FRMD4A: variants seen among roughly 807,000 people sequenced by gnomAD.
FRMD4A encodes the protein FERM domain-containing protein 4A.
A neutral mutation model predicts 129.1 loss-of-function variants in FRMD4A; 29 were observed. That is an observed-to-expected ratio of 0.22 (90% confidence interval 0.17 to 0.31). The LOEUF (loss-of-function observed/expected upper bound fraction) is 0.31, where lower values mean the gene tolerates loss of function less well. Among genes scored for constraint, FRMD4A ranks in the 10% least tolerant of loss-of-function variants. The pLI is 1.00. For missense variants in FRMD4A, 1,272 were observed against 1,375.8 expected (o/e 0.92, Z 1.19); for synonymous variants, 634 against 571.6 (o/e 1.11, Z -1.56).
intron 2 of FRMD4A, among the ~76,000 whole-genome samples, chr10:14,005,459 C>A (rs11258792): frequency 0.015 from 2,281 of 152,300 alleles, 41 homozygotes; most frequent in East Asian, 0.089. Flanking sequence ...TAAGAAGTTG[C>A]AGTTCCTTCT....
chr10:13,831,216 T>G (rs1442124483), intron 3 of FRMD4A, among the ~76,000 whole-genome samples: 1 of 152,302 alleles, frequency 6.6e-6, no homozygotes, highest in East Asian at 1.9e-4. Context: ...ACGCAATGCC[T>G]CTGACCTTCT....
At chr10:14,162,655 T>G (rs149938758) in intron 2 of FRMD4A, among the ~76,000 whole-genome samples, 3,672 of 151,182 alleles carry the variant, frequency 0.024, 89 homozygotes, top group South Asian at 0.04. Flanking sequence ...TTTTTTTTTT[T>G]TTTTGTATAT....
At chr10:13,686,495 T>C (rs1349353378) in intron 15 of FRMD4A, among the ~76,000 whole-genome samples, 1 of 152,014 alleles carries the variant, frequency 6.6e-6, no homozygotes, top group Non-Finnish European at 1.5e-5. Context: ...AGAATGGGAG[T>C]GTGTCAACAG....
chr10:13,917,701 G>A (rs987047106), intron 2 of FRMD4A, among the ~76,000 whole-genome samples: 2 of 152,148 alleles, frequency 1.3e-5, no homozygotes, highest in African/African-American at 2.4e-5. Flanking sequence ...AACCAAGCAG[G>A]ACACAAACCC....
intron 4 of FRMD4A, among the ~76,000 whole-genome samples, chr10:13,796,853 G>A (rs1308570137): frequency 6.6e-6 from 1 of 152,110 alleles, no homozygotes; most frequent in Non-Finnish European, 1.5e-5. Flanking sequence ...CTGAGTAGCT[G>A]GGACTACAAG....
intron 2 of FRMD4A, among the ~76,000 whole-genome samples, chr10:14,261,553 T>G (rs1297625569): frequency 6.6e-6 from 1 of 152,202 alleles, no homozygotes; most frequent in African/African-American, 2.4e-5. Context: ...CAACAGCTGC[T>G]ATTCTCCAAT....
intron 6 of FRMD4A, among the ~76,000 whole-genome samples, chr10:13,765,748 G>C (rs2092265487): frequency 6.6e-6 from 1 of 152,176 alleles, no homozygotes. Flanking sequence ...GGGATTAGCA[G>C]GTCCCATCAG....
intron 2 of FRMD4A, among the ~76,000 whole-genome samples, chr10:14,324,806 G>T (rs1843204295): frequency 6.6e-6 from 1 of 152,128 alleles, no homozygotes; most frequent in Admixed American, 6.5e-5. Context: ...GACTACAGGT[G>T]CACCCCACCA....
rs77102741 is a variant in FRMD4A, at chr10:14,014,041, C to T, written c.46-155129G>A. Among the ~76,000 whole-genome samples, 508 of 152,232 alleles carry T rather than the reference C, an allele frequency of 3.3e-3. 5 individuals are homozygous for T. The highest frequency in any genetic ancestry group is 0.012 in the African/African-American group (485 of 41,538). On this transcript the variant is annotated intron_variant, in intron 2 of 24. Coordinates refer to ENST00000357447, the MANE Select transcript of FRMD4A (RefSeq NM_018027.5). ...GCCTCTGGTCCACTTCAGCCCTGGA[C>T]GGGTGAAGACAGCGCAGTGAGTATC...
At chr10:13,823,164 C>G (rs147701702) in intron 3 of FRMD4A, among the ~76,000 whole-genome samples, 1 of 152,170 alleles carries the variant, frequency 6.6e-6, no homozygotes, top group Non-Finnish European at 1.5e-5. Flanking sequence ...CTTTGACAGG[C>G]GTACATAATG....
At chr10:13,680,756 A>G (rs1382644067) in intron 15 of FRMD4A, among the ~76,000 whole-genome samples, 1 of 152,002 alleles carries the variant, frequency 6.6e-6, no homozygotes, top group Non-Finnish European at 1.5e-5. Context: ...AGTTTAAAAA[A>G]AGGATATAGG....
chr10:14,264,331 T>C (rs1300208369), intron 2 of FRMD4A, among the ~76,000 whole-genome samples: 2 of 152,134 alleles, frequency 1.3e-5, no homozygotes, highest in Non-Finnish European at 2.9e-5. Context: ...CAGAAGAGGG[T>C]AGAAAATAGA....
intron 2 of FRMD4A, among the ~76,000 whole-genome samples, chr10:14,280,149 C>A (rs749726169): frequency 1.3e-5 from 2 of 152,092 alleles, no homozygotes; most frequent in African/African-American, 2.4e-5. Context: ...ACGATGCTGG[C>A]CAAGGCAGGA....
At chr10:13,740,479 T>C (rs919941080) in intron 10 of FRMD4A, 33 bp downstream of exon 10, 2 of 1,264,066 alleles carry the variant, frequency 1.6e-6, no homozygotes, top group East Asian at 4.6e-5. Flanking sequence ...ACACAAACAC[T>C]GTCCCCATGT....
intron 4 of FRMD4A, among the ~76,000 whole-genome samples, chr10:13,808,472 G>A (rs966957030): frequency 6.6e-6 from 1 of 152,218 alleles, no homozygotes; most frequent in African/African-American, 2.4e-5. Context: ...AGCCAGAGCA[G>A]GTGAACACCC....
intron 2 of FRMD4A, among the ~76,000 whole-genome samples, chr10:14,106,490 ATTTTC>A (rs1837594609): frequency 6.6e-6 from 1 of 152,186 alleles, no homozygotes; most frequent in East Asian, 1.9e-4. Context: ...CATTTAAAGT[ATTTTC>A]TTTTAAGTAT....
intron 3 of FRMD4A, among the ~76,000 whole-genome samples, chr10:13,843,185 G>A (rs969829552): frequency 3.3e-5 from 5 of 152,132 alleles, no homozygotes; most frequent in East Asian, 1.9e-4. Context: ...ATGCTGCATC[G>A]GATTCTGGCT....
rs1237541370 is a variant in FRMD4A, at chr10:13,663,535, A to G, written c.1604-26T>C. ...CTGAGAAGACAAAAAGCAATAGCCTATGAGTTCAGCACATTCCTTCAGCAA... is the reference window on the plus strand; with the variant it reads ...CTGAGAAGACAAAAAGCAATAGCCTGTGAGTTCAGCACATTCCTTCAGCAA... On this transcript the variant is annotated intron_variant, in intron 18 of 24. Transcript: ENST00000357447. 4.0e-6 allele frequency: 5 copies of G among 1,245,142 alleles called. No individual in the cohort carries two copies. In the South Asian group the frequency reaches 4.8e-5, roughly 12 times the overall value. 77.1% of individuals were successfully genotyped at this position (1,245,142 alleles called of 1,614,324 possible).
intron 2 of FRMD4A, among the ~76,000 whole-genome samples, chr10:14,108,093 C>T (rs926443432): frequency 2.0e-5 from 3 of 152,180 alleles, no homozygotes; most frequent in Admixed American, 6.5e-5. Context: ...TCATTCTTCA[C>T]GGTCTCTCCA....
Sources: allele counts gnomAD v4.1 joint callset (sites outside exome capture counted in the v4.1 genomes callset), GRCh38; gene constraint gnomAD v4.1.1; transcripts MANE v1.5; gene names NCBI Gene and HGNC (gene_info 2026-07-23, HGNC 2026-07-21).